KCNK2: variants seen among roughly 807,000 people sequenced by gnomAD.
KCNK2 encodes the protein potassium two pore domain channel subfamily K member 2, also known as potassium channel subfamily K member 2.
Under a neutral mutation model 40.5 loss-of-function variants are expected in KCNK2, and 21 were observed. The ratio of observed to expected loss-of-function variants is 0.52; its 90% CI spans 0.37 to 0.75. The LOEUF is 0.75. KCNK2 is among the 30% of genes least tolerant of loss of function. The probability of loss-of-function intolerance (pLI) is 0.00; values close to 1 mark genes in which losing one functional copy is unlikely to be tolerated. For missense variants in KCNK2, 399 were observed against 531.6 expected, an observed-to-expected ratio of 0.75 and a Z score of 2.45; for synonymous variants, 191 against 202.2, an observed-to-expected ratio of 0.94 and a Z score of 0.47.
chr1:215,066,742 G>A (rs563311250), intron 1 of KCNK2, among the ~76,000 whole-genome samples: 5 of 152,164 alleles, frequency 3.3e-5, no homozygotes, highest in East Asian at 3.9e-4. Context: ...TCTTTGCCTC[G>A]GAATCTTCTT....
chr1:215,049,276 G>C (rs1425201785), intron 1 of KCNK2, among the ~76,000 whole-genome samples: 1 of 152,080 alleles, frequency 6.6e-6, no homozygotes, highest in East Asian at 1.9e-4. Context: ...ATTTTCATGT[G>C]CTTACTTGCC....
chr1:215,135,302 A>G (rs1392381700), intron 3 of KCNK2, among the ~76,000 whole-genome samples: 1 of 152,108 alleles, frequency 6.6e-6, no homozygotes, highest in Admixed American at 6.5e-5. Flanking sequence ...CAGTTCTATT[A>G]TCCTTAATTT....
chr1:215,081,167 G>GTGTGTA (rs1296121295), upstream of KCNK2, among the ~76,000 whole-genome samples: 1 of 7,204 alleles, frequency 1.4e-4, no homozygotes, highest in African/African-American at 2.2e-4. Context: ...ACACGCAAAT[G>GTGTGTA]TGTGTGTGTG....
chr1:215,116,015 A>T (rs1336468613), intron 2 of KCNK2, among the ~76,000 whole-genome samples: 3 of 151,476 alleles, frequency 2.0e-5, no homozygotes, highest in Non-Finnish European at 4.4e-5. Flanking sequence ...CAAAGGAAAA[A>T]GAATTTCAGT....
intron 6 of KCNK2, among the ~76,000 whole-genome samples, chr1:215,210,090 TATAA>T (rs1414287843): frequency 1.4e-5 from 1 of 70,434 alleles, no homozygotes; most frequent in Non-Finnish European, 2.6e-5. Flanking sequence ...ATATGCTATA[TATAA>T]ATATATATGT....
At chr1:215,082,577 G>A (rs1053408696), upstream of KCNK2, among the ~76,000 whole-genome samples, 2 of 152,258 alleles carry the variant, frequency 1.3e-5, no homozygotes, top group South Asian at 4.2e-4. Context: ...GAGCCAAGGG[G>A]TTGTGCCCCC....
At chr1:215,227,758 T>C (rs906349260) in intron 6 of KCNK2, among the ~76,000 whole-genome samples, 1 of 152,046 alleles carries the variant, frequency 6.6e-6, no homozygotes, top group Non-Finnish European at 1.5e-5. Flanking sequence ...TCCACGGTTT[T>C]GACAATAGGA....
At chr1:215,018,152 C>G (rs1656659356) in intron 1 of KCNK2, among the ~76,000 whole-genome samples, 1 of 151,926 alleles carries the variant, frequency 6.6e-6, no homozygotes, top group Admixed American at 6.6e-5. Context: ...ATATAAAGGT[C>G]TAGAAAAAAA....
intron 2 of KCNK2, among the ~76,000 whole-genome samples, chr1:215,090,025 C>T (rs1278654693): frequency 6.6e-6 from 1 of 151,792 alleles, no homozygotes; most frequent in Non-Finnish European, 1.5e-5. Flanking sequence ...GGGGTTTCTC[C>T]GTATTGGTCA....
chr1:215,061,855 A>T (rs967650640), intron 1 of KCNK2, among the ~76,000 whole-genome samples: 1 of 152,140 alleles, frequency 6.6e-6, no homozygotes, highest in Admixed American at 6.6e-5. Context: ...GATGCTTCTT[A>T]GGAGAAAATT....
intron 1 of KCNK2, among the ~76,000 whole-genome samples, chr1:215,020,570 T>C (rs1303240344): frequency 6.6e-6 from 1 of 152,128 alleles, no homozygotes; most frequent in African/African-American, 2.4e-5. Flanking sequence ...GGACTACTGA[T>C]ATGCGCCACC....
chr1:215,209,814 A>T (rs1446528633), intron 6 of KCNK2, among the ~76,000 whole-genome samples: 1 of 8,282 alleles, frequency 1.2e-4, no homozygotes, highest in African/African-American at 5.5e-4. Flanking sequence ...TAATATATAT[A>T]AATATATATT....
At chr1:215,107,398 T>C (rs1057051064) in intron 2 of KCNK2, among the ~76,000 whole-genome samples, 1 of 152,100 alleles carries the variant, frequency 6.6e-6, no homozygotes, top group Admixed American at 6.6e-5. Flanking sequence ...ATGGTAGTTC[T>C]AGTTTTAATT....
intron 1 of KCNK2, among the ~76,000 whole-genome samples, chr1:215,039,872 G>A (rs907115789): frequency 2.6e-5 from 4 of 152,100 alleles, no homozygotes; most frequent in Non-Finnish European, 4.4e-5. Flanking sequence ...AGGGATGAAT[G>A]AAGGCTTTTC....
intron 1 of KCNK2, among the ~76,000 whole-genome samples, chr1:215,020,160 G>GT (rs1656741529): frequency 6.6e-6 from 1 of 152,116 alleles, no homozygotes; most frequent in South Asian, 2.1e-4. Context: ...CACTTTGGAT[G>GT]TTTTCAATGG....
intron 6 of KCNK2, among the ~76,000 whole-genome samples, chr1:215,215,391 T>G (rs1026395661): frequency 1.6e-4 from 24 of 152,116 alleles, no homozygotes; most frequent in Admixed American, 7.2e-4. Flanking sequence ...AGAAACCCAT[T>G]ATAACACAGC....
chr1:215,116,867 G>GA (rs1174356196), intron 2 of KCNK2, among the ~76,000 whole-genome samples: 1 of 151,690 alleles, frequency 6.6e-6, no homozygotes, highest in Non-Finnish European at 1.5e-5. Flanking sequence ...GCTGGGGGGG[G>GA]AACCTTGAAA....
rs557316065 is a variant in KCNK2, at chr1:215,093,892, T to A, written c.357+7214T>A. On this transcript the variant is annotated intron_variant, in intron 2 of 6. Coordinates refer to ENST00000444842, the MANE Select transcript of KCNK2 (RefSeq NM_001017425.3). ...TATATTATATATTATATATTATATATAAAAATATATTATATATTATATATA... is the reference window on the plus strand; with the variant it reads ...TATATTATATATTATATATTATATAAAAAAATATATTATATATTATATATA... Among the ~76,000 whole-genome samples the A allele has an allele frequency of 4.0e-4, 27 of 67,188 alleles. No homozygotes were observed. The South Asian group carries it at 9.1e-3, about 23-fold the overall frequency. 44.1% of individuals were successfully genotyped at this position (67,188 alleles called of 152,430 possible).
chr1:215,119,082 A>G (rs1226224359), intron 2 of KCNK2, among the ~76,000 whole-genome samples: 1 of 152,194 alleles, frequency 6.6e-6, no homozygotes, highest in Non-Finnish European at 1.5e-5. Flanking sequence ...TACATTCTTC[A>G]GCCTTTTCCA....
Sources: allele counts gnomAD v4.1 joint callset (sites outside exome capture counted in the v4.1 genomes callset), GRCh38; gene constraint gnomAD v4.1.1; transcripts MANE v1.5; gene names NCBI Gene and HGNC (gene_info 2026-07-23, HGNC 2026-07-21).